SCAP: variants seen among roughly 807,000 people sequenced by gnomAD.
The protein encoded by SCAP is sterol regulatory element-binding protein cleavage-activating protein.
In SCAP, 65 loss-of-function variants were observed where a neutral mutation model predicts 123.6. That is an observed-to-expected ratio of 0.53 (90% CI 0.43 to 0.65). The LOEUF (loss-of-function observed/expected upper bound fraction) is 0.65. Among genes scored for constraint, SCAP ranks in the 30% least tolerant of loss-of-function variants. The pLI is 0.00. For synonymous variants in SCAP, 740 were observed against 726.3 expected, an observed-to-expected ratio of 1.02 and a Z score of -0.30; for missense variants, 1,398 against 1,712.5, an observed-to-expected ratio of 0.82 and a Z score of 3.24.
Position 47,439,438 on chromosome 3 carries a change from A to G in SCAP, c.122+3434T>C, listed in dbSNP as rs1038004060. Among the ~76,000 whole-genome samples the G allele has an allele frequency of 2.0e-5, 3 of 152,142 alleles. No homozygotes were observed. The highest frequency in any genetic ancestry group is 6.8e-3 in the Middle Eastern group (2 of 294). On this transcript the variant is annotated intron_variant, in intron 2 of 22. Coordinates refer to ENST00000265565, the MANE Select transcript of SCAP (RefSeq NM_012235.4). The surrounding 1 kb of genome is among the most constrained non-coding windows in gnomAD (Gnocchi z 4.0). Reference sequence around the variant, plus strand: ...TCAAAAACAACACAATGTGATTCCAATTTCCTCTCCAAATTAAAATCCACC... The same window carrying G: ...TCAAAAACAACACAATGTGATTCCAGTTTCCTCTCCAAATTAAAATCCACC...
At chr3:47,432,540 C>A (rs925787740) in intron 3 of SCAP, among the ~76,000 whole-genome samples, 12 of 152,048 alleles carry the variant, frequency 7.9e-5, no homozygotes, top group African/African-American at 2.9e-4. Flanking sequence ...CCACACCACG[C>A]GTATGCAATA....
At chr3:47,442,243 A>G (rs759837124) in intron 2 of SCAP, among the ~76,000 whole-genome samples, 2 of 152,198 alleles carry the variant, frequency 1.3e-5, no homozygotes, top group Non-Finnish European at 2.9e-5. Context: ...GTCATCTCAT[A>G]TCAAACTCCT....
intron 1 of SCAP, among the ~76,000 whole-genome samples, chr3:47,455,351 T>C (rs982709554): frequency 6.6e-5 from 10 of 151,246 alleles, no homozygotes; most frequent in African/African-American, 2.4e-4. Context: ...TCTCAGCAAC[T>C]TGGGAGGCCG....
In SCAP at chr3:47,413,850, G is replaced by A. The variant is rs1328642897; in HGVS notation, c.*4C>T. 1 of 1,611,324 alleles carries A rather than the reference G, an allele frequency of 6.2e-7. No homozygotes were observed. The highest frequency in any genetic ancestry group is 1.3e-5 in the African/African-American group (1 of 75,016). On this transcript the variant is annotated 3_prime_UTR_variant, in exon 23 of 23. Transcript: ENST00000265565. The stretch of plus-strand genomic sequence containing the variant: ...CCTCCTGCCTGGGCAAGGAGGCCCT[G>A]CGCTCAGTCCAGCTTCTCCAGCACA...
At position 47,435,050 on chromosome 3, in the gene SCAP, G is replaced by T. The variant is rs1311183581; in HGVS notation, c.210C>A (p.Asp70Glu). The T allele has an allele frequency of 6.2e-7, 1 of 1,614,166 alleles. No homozygotes were observed. Among genetic ancestry groups the T allele is most frequent in the Non-Finnish European group, 8.5e-7 (1 of 1,180,012 alleles). ...TAGGCTCTCCTTGTTTGCGGTCAGA[G>T]TCCACAGGTGGGGGCGAGTAATCCT... is the stretch of plus-strand genomic sequence containing the variant. ...PVKDYSPPPV[D>E]SDRKQGEPTE... Residue 70 changes from aspartate to glutamate, a missense_variant, in exon 3 of 23, where the codon GAC (aspartate) becomes GAA (glutamate). Transcript: ENST00000265565.
At chr3:47,425,176 C>G in intron 8 of SCAP, 1 of 289,526 alleles carries the variant, frequency 3.5e-6, no homozygotes, top group Non-Finnish European at 6.5e-6. Context: ...AATCCGACTA[C>G]ACACATGCAA....
Position 47,418,373 on chromosome 3 carries a change from T to A in SCAP, c.2279A>T (p.Tyr760Phe). The change falls in exon 15 of 23, where the codon TAT (tyrosine) becomes TTT (phenylalanine). Residue 760 changes from tyrosine to phenylalanine, a missense_variant. Around this residue, in one of 7 missense-constraint regions of SCAP, gnomAD observed 828 missense variants for 882.5 expected, o/e 0.94. Coordinates refer to ENST00000265565, the MANE Select transcript of SCAP (RefSeq NM_012235.4). Reference protein sequence around the residue: ...RGELPCDDYGYAPPETEIVPL... With the variant: ...RGELPCDDYGFAPPETEIVPL... Reference sequence around the variant, plus strand: ...CACGATCTCCGTCTCGGGTGGCGCATAGCCGTAGTCGTCGCAGGGCAGCTC... The same window carrying A: ...CACGATCTCCGTCTCGGGTGGCGCAAAGCCGTAGTCGTCGCAGGGCAGCTC... 6.4e-7 allele frequency: 1 copy of A among 1,573,524 alleles called. No homozygotes were observed. Among genetic ancestry groups the A allele is most frequent in the South Asian group, 1.2e-5 (1 of 86,522 alleles).
intron 1 of SCAP, among the ~76,000 whole-genome samples, chr3:47,465,849 A>G (rs1707805540): frequency 6.6e-6 from 1 of 151,776 alleles, no homozygotes; most frequent in African/African-American, 2.4e-5. Context: ...AACAAAAAAA[A>G]AAAAGCTGGG....
At chr3:47,421,690 T>A (rs1294627740) in intron 10 of SCAP, among the ~76,000 whole-genome samples, 1 of 152,230 alleles carries the variant, frequency 6.6e-6, no homozygotes, top group Non-Finnish European at 1.5e-5. Flanking sequence ...CTGTACCCTA[T>A]CCTGCAGATA....
intron 1 of SCAP, among the ~76,000 whole-genome samples, chr3:47,461,218 C>T (rs1707627850): frequency 6.6e-6 from 1 of 152,220 alleles, no homozygotes; most frequent in Non-Finnish European, 1.5e-5. Flanking sequence ...TGTCAAGTCA[C>T]AATGTGTGAA....
chr3:47,414,568 T>C lies in SCAP; in HGVS notation c.3387+4A>G. The C allele has an allele frequency of 3.1e-6, 5 of 1,613,392 alleles. No individual in the cohort carries two copies. The highest frequency in any genetic ancestry group is 4.2e-6 in the Non-Finnish European group (5 of 1,179,976). ...ACCCCCTACCCCACCTGCAGGCCGC[T>C]TACCTGGTCAATGTACACGGTCGTG... On this transcript the variant is annotated splice_donor_region_variant and intron_variant, in intron 21 of 22. Coordinates refer to ENST00000265565, the MANE Select transcript of SCAP (RefSeq NM_012235.4).
chr3:47,417,086 C>A (rs921039027), intron 18 of SCAP, 36 bp downstream of exon 18: 7 of 1,590,650 alleles, frequency 4.4e-6, no homozygotes, highest in African/African-American at 1.3e-5. Context: ...CCAACAAAGG[C>A]TGGGGACATC....
chr3:47,431,679 G>A (rs1265814702), intron 3 of SCAP, among the ~76,000 whole-genome samples: 9 of 152,068 alleles, frequency 5.9e-5, no homozygotes, highest in Non-Finnish European at 1.2e-4. Context: ...GAAGATCAGC[G>A]GTAAAATGTC....
chr3:47,466,428 G>A (rs192508247), intron 1 of SCAP, among the ~76,000 whole-genome samples: 1 of 152,026 alleles, frequency 6.6e-6, no homozygotes, highest in African/African-American at 2.4e-5. Flanking sequence ...TTGTTATGAT[G>A]TCAGCACTAC....
chr3:47,463,802 G>T (rs1328015954), intron 1 of SCAP, among the ~76,000 whole-genome samples: 2 of 152,100 alleles, frequency 1.3e-5, no homozygotes, highest in African/African-American at 4.8e-5. Context: ...CACCTAGGAA[G>T]AATTCAATAA....
At chr3:47,434,344 G>C (rs565367079) in intron 3 of SCAP, among the ~76,000 whole-genome samples, 1 of 152,198 alleles carries the variant, frequency 6.6e-6, no homozygotes, top group Non-Finnish European at 1.5e-5. Flanking sequence ...ACAGGCAAAA[G>C]GTACACAGAT....
rs1707191242 is a variant in SCAP at position 47,450,243 on chromosome 3, C to T, written c.-98-7152G>A. ...CAATTCCTGACCTCAATGAATCTGC[C>T]TGCCTCAGCCTCCCAAAGTGCTGGG... On this transcript the variant is annotated intron_variant, in intron 1 of 22. Transcript: ENST00000265565. Among the ~76,000 whole-genome samples, 2 of 124,694 alleles carry T rather than the reference C, an allele frequency of 1.6e-5. 1 individual carries two copies. The highest frequency in any genetic ancestry group is 5.9e-4 in the South Asian group (2 of 3,410). 81.8% of individuals were successfully genotyped at this position (124,694 alleles called of 152,430 possible). A position where few individuals can be genotyped will look rare whatever the true frequency, so the allele number is the denominator to read the frequency against.
In SCAP at chr3:47,417,618, G is replaced by A. The variant is rs757378452; in HGVS notation, c.2656C>T (p.Arg886Trp). 13 of 1,606,984 alleles carry A rather than the reference G, an allele frequency of 8.1e-6. No individual in the cohort carries two copies. The highest frequency in any genetic ancestry group is 6.7e-5 in the South Asian group (6 of 90,148). ...TCGGGCTGAGTGGGCTGTGAGGACCGAGGCTGCGCTGAAAAGTTGGTGTCA... is the reference window on the plus strand; with the variant it reads ...TCGGGCTGAGTGGGCTGTGAGGACCAAGGCTGCGCTGAAAAGTTGGTGTCA... ...LIDTNFSAQP[R>W]SSQPTQPEPR... The change falls in exon 17 of 23, where the codon CGG becomes TGG. Residue 886 changes from arginine (R) to tryptophan (W), a missense_variant. Arg to Trp is a moderately radical substitution (Grantham distance 101). Around this residue, in one of 7 missense-constraint regions of SCAP, gnomAD observed 828 missense variants for 882.5 expected, o/e 0.94. Coordinates refer to ENST00000265565, the MANE Select transcript of SCAP (RefSeq NM_012235.4).
At chr3:47,449,729 A>G (rs1354731006) in intron 1 of SCAP, among the ~76,000 whole-genome samples, 1 of 124,106 alleles carries the variant, frequency 8.1e-6, no homozygotes, top group Non-Finnish European at 1.8e-5. Flanking sequence ...TGCAGGCTGG[A>G]AAATATTGTA....
Sources: gnomAD v4.1 joint callset for allele counts (sites outside exome capture counted in the v4.1 genomes callset) on GRCh38, gnomAD v4.1.1 for gene constraint, gnomAD v4.1.1 regional missense constraint, Gnocchi (gnomAD v3.1) non-coding constraint, MANE v1.5 for transcripts, NCBI Gene and HGNC (gene_info 2026-07-23, HGNC 2026-07-21) for gene names.